KCTD19: variants seen among roughly 807,000 people sequenced by gnomAD.
The protein encoded by KCTD19 is potassium channel tetramerization domain containing 19.
In KCTD19, 67 loss-of-function variants were observed where a neutral mutation model predicts 103.5. The observed-to-expected ratio is 0.65, with a 90% CI of 0.53 to 0.79. KCTD19 has a LOEUF of 0.79. KCTD19 is among the 30% of genes least tolerant of loss of function. The pLI is 0.00. For synonymous variants in KCTD19, 439 were observed against 452.2 expected, an observed-to-expected ratio of 0.97 and a Z score of 0.37; for missense variants, 980 against 1,136.1, an observed-to-expected ratio of 0.86 and a Z score of 1.98.
intron 13 of KCTD19, 65 bp downstream of exon 13, chr16:67,291,581 C>T: frequency 6.3e-7 from 1 of 1,578,436 alleles, no homozygotes; most frequent in Non-Finnish European, 8.6e-7. Context: ...CCTGAAGTAC[C>T]CTGGGAGGGG....
At chr16:67,298,623 A>G (rs1012797821) in intron 6 of KCTD19, among the ~76,000 whole-genome samples, 9 of 152,174 alleles carry the variant, frequency 5.9e-5, no homozygotes, top group African/African-American at 2.2e-4. Context: ...ATCAGGGTGG[A>G]CATCTCTGAA....
rs1177931615 is a variant in KCTD19, at chr16:67,303,228, G to A, written c.561C>T (p.Ser187=). ...LPLDLVAKYP[S]LVTEDNLLWL... is the part of the protein sequence containing the mutation. ...ACAGCAGGTTGTCTTCAGTCACTAG[G>A]CTGGGATATTTGGCCACCAGGTCTA... The change falls in exon 4 of 16, where the codon AGC becomes AGT. Residue 187 remains serine, a synonymous_variant. Transcript: ENST00000304372. The surrounding 1 kb of genome is among the most constrained non-coding windows in gnomAD (Gnocchi z 4.3). 1.2e-6 allele frequency: 2 copies of A among 1,614,060 alleles called. No individual in the cohort carries two copies. Among genetic ancestry groups the A allele is most frequent in the South Asian group, 2.2e-5 (2 of 91,074 alleles).
At position 67,289,438 on chromosome 16, in the gene KCTD19, T is replaced by G. The variant is rs957257577; in HGVS notation, c.*131A>C. 1.8e-6 allele frequency: 1 copy of G among 553,258 alleles called. No homozygotes were observed. The highest frequency in any genetic ancestry group is 1.9e-5 in the African/African-American group (1 of 52,488). 34.3% of individuals were successfully genotyped at this position (553,258 alleles called of 1,614,324 possible). A position where few individuals can be genotyped will look rare whatever the true frequency, so the allele number is the denominator to read the frequency against. On this transcript the variant is annotated 3_prime_UTR_variant, in exon 16 of 16. Transcript: ENST00000304372. ...GGAGTCTAGGTCTTTGATGTGTGATTTAATCTTTTATTTGTTTATAATAAA... is the reference window on the plus strand; with the variant it reads ...GGAGTCTAGGTCTTTGATGTGTGATGTAATCTTTTATTTGTTTATAATAAA...
chr16:67,323,477 C>T lies in KCTD19; in HGVS notation c.4-2592G>A, dbSNP rs2037097429. Among the ~76,000 whole-genome samples, 1 of 152,012 alleles carries T rather than the reference C, an allele frequency of 6.6e-6. No homozygotes were observed. The highest frequency in any genetic ancestry group is 6.6e-5 in the Admixed American group (1 of 15,242). On this transcript the variant is annotated intron_variant, in intron 1 of 15. Transcript: ENST00000304372. The surrounding 1 kb of genome is among the most constrained non-coding windows in gnomAD (Gnocchi z 4.1). Reference sequence around the variant, plus strand: ...GTTTGAGGCTGCAGTGAGCTGTGATCGTGCCATTGCACTCCAGCCTGGGCG... The same window carrying T: ...GTTTGAGGCTGCAGTGAGCTGTGATTGTGCCATTGCACTCCAGCCTGGGCG...
At chr16:67,306,060 T>C (rs573310229) in intron 2 of KCTD19, among the ~76,000 whole-genome samples, 1 of 152,214 alleles carries the variant, frequency 6.6e-6, no homozygotes, top group Non-Finnish European at 1.5e-5. Flanking sequence ...AGTGTGTGCG[T>C]GGAACGCTGG....
At chr16:67,302,006 G>A in intron 4 of KCTD19, 84 bp from the exon 5 acceptor site, 4 of 1,289,192 alleles carry the variant, frequency 3.1e-6, no homozygotes, top group Non-Finnish European at 3.3e-6. Context: ...GGTTTCTGGT[G>A]CTGTAACTTA....
chr16:67,325,400 A>G lies in KCTD19; in HGVS notation c.3+1305T>C, dbSNP rs146868870. Among the ~76,000 whole-genome samples the G allele has an allele frequency of 4.6e-4, 68 of 149,232 alleles. No homozygotes were observed. The East Asian group carries it at 9.8e-3, about 21-fold the overall frequency. On this transcript the variant is annotated intron_variant, in intron 1 of 15. Coordinates refer to ENST00000304372, the MANE Select transcript of KCTD19 (RefSeq NM_001100915.3). ...GCTTTATTTTATTTTATTTTATTTT[A>G]TTTTGTTTTATTTTTGTATTTTTAG... is the stretch of plus-strand genomic sequence containing the variant.
Position 67,320,707 on chromosome 16 carries a change from G to A in KCTD19, c.182C>T (p.Ser61Phe), listed in dbSNP as rs1479616539. ...GTAATAGTGCACGTGCCTAAATGTG[G>A]AACCATCTCTGTCGATAAATAGCCT... is the stretch of plus-strand genomic sequence containing the variant. ...SQRLFIDRDG[S>F]TFRHVHYYLY... Residue 61 changes from serine (S) to phenylalanine (F), a missense_variant, in exon 2 of 16, where the codon TCC becomes TTC. Transcript: ENST00000304372. This position sits in a 1 kb window ranked among gnomAD's most constrained non-coding sequence, Gnocchi z 4.0. 6.2e-7 allele frequency: 1 copy of A among 1,614,026 alleles called. No homozygotes were observed.
intron 2 of KCTD19, among the ~76,000 whole-genome samples, chr16:67,317,342 G>A (rs554772414): frequency 4.2e-4 from 64 of 152,108 alleles, no homozygotes; most frequent in Non-Finnish European, 8.8e-4. Flanking sequence ...AGCTGGGCGT[G>A]GTGCTGCACA....
In KCTD19 at chr16:67,297,359, C is replaced by T; in HGVS notation, c.1147+144G>A. ...GGGAGCACTTAATATGAAAGTTTCC[C>T]TTTTGTAAAAATCCAAAATATTGGC... On this transcript the variant is annotated intron_variant, in intron 7 of 15. Transcript: ENST00000304372. 3.7e-6 allele frequency: 3 copies of T among 814,470 alleles called. No homozygotes were observed. In the South Asian group the frequency reaches 5.4e-5, roughly 15 times the overall value. The allele number at this position is 814,470 out of a possible 1,614,324, so 50.5% of individuals were successfully genotyped here.
intron 7 of KCTD19, among the ~76,000 whole-genome samples, chr16:67,297,159 G>T (rs1160999860): frequency 6.6e-6 from 1 of 152,092 alleles, no homozygotes; most frequent in Admixed American, 6.5e-5. Flanking sequence ...GCTGTTAAAT[G>T]GACCCAGGGA....
At chr16:67,319,750 G>A (rs752062344) in intron 2 of KCTD19, among the ~76,000 whole-genome samples, 3 of 150,702 alleles carry the variant, frequency 2.0e-5, no homozygotes, top group Non-Finnish European at 2.9e-5. Context: ...GATGGTAAAG[G>A]AAAGATTCTG....
intron 2 of KCTD19, among the ~76,000 whole-genome samples, chr16:67,318,971 C>T (rs2037042388): frequency 6.6e-6 from 1 of 152,004 alleles, no homozygotes; most frequent in South Asian, 2.1e-4. Context: ...GCCTATAATC[C>T]CAGCAGTTTG....
Position 67,302,303 on chromosome 16 carries a change from C to T in KCTD19, c.644-381G>A, listed in dbSNP as rs141202846. On this transcript the variant is annotated intron_variant, in intron 4 of 15. Transcript: ENST00000304372. ...AGGGGCCCGGCCGAGCCTGGGCTGG[C>T]GGGTGGCACTTGCAGTTTGTCCCTG... is the stretch of plus-strand genomic sequence containing the variant. 7.3e-3 allele frequency: 1,513 copies of T among 208,666 alleles called. 8 individuals carry two copies. Among genetic ancestry groups the T allele is most frequent in the Non-Finnish European group, 9.1e-3 (944 of 103,874 alleles). The allele number at this position is 208,666 out of a possible 1,614,324, so 12.9% of individuals were successfully genotyped here. A position where few individuals can be genotyped will look rare whatever the true frequency, so the allele number is the denominator to read the frequency against.
At chr16:67,296,557 G>T (rs926285210) in intron 7 of KCTD19, among the ~76,000 whole-genome samples, 3 of 152,114 alleles carry the variant, frequency 2.0e-5, no homozygotes, top group Non-Finnish European at 4.4e-5. Flanking sequence ...TTCTGGTTGG[G>T]TGTGTCCTGA....
In KCTD19 at chr16:67,320,171, G is replaced by C. The variant is rs995271636; in HGVS notation, c.300+418C>G. On this transcript the variant is annotated intron_variant, in intron 2 of 15. Coordinates refer to ENST00000304372, the MANE Select transcript of KCTD19 (RefSeq NM_001100915.3). This position sits in a 1 kb window ranked among gnomAD's most constrained non-coding sequence, Gnocchi z 4.0. The stretch of plus-strand genomic sequence containing the variant: ...TAGGGAGGCTGAGGGAGCACTTAGG[G>C]AGGCCAATTAGAGAGGACGACTTGA... Among the ~76,000 whole-genome samples, 2 of 152,122 alleles carry C rather than the reference G, an allele frequency of 1.3e-5. No homozygotes were observed. The highest frequency in any genetic ancestry group is 4.8e-5 in the African/African-American group (2 of 41,418).
In KCTD19 at chr16:67,303,114, GCCCCCCACCCCA is replaced by G; in HGVS notation, c.643+20_643+31del. The G allele has an allele frequency of 1.8e-6, 2 of 1,097,008 alleles. No individual in the cohort carries two copies. The highest frequency in any genetic ancestry group is 2.6e-6 in the Non-Finnish European group (2 of 782,024). The allele number at this position is 1,097,008 out of a possible 1,614,324, so 68.0% of individuals were successfully genotyped here. A position where few individuals can be genotyped will look rare whatever the true frequency, so the allele number is the denominator to read the frequency against. On this transcript the variant is annotated intron_variant, in intron 4 of 15. Coordinates refer to ENST00000304372, the MANE Select transcript of KCTD19 (RefSeq NM_001100915.3). This position sits in a 1 kb window ranked among gnomAD's most constrained non-coding sequence, Gnocchi z 4.3. ...AGGGGTGAATGGGCCCTATCAGCCC[GCCCCCCACCCCA>G]CCCCGGACAGAGCAATCACCAATGA...
intron 4 of KCTD19, chr16:67,302,285 C>T (rs965075290): frequency 2.8e-5 from 6 of 212,338 alleles, no homozygotes; most frequent in East Asian, 1.3e-4. Flanking sequence ...AGGAGGGGCC[C>T]GGCCGAGCCT....
chr16:67,308,919 G>A (rs2036921781), intron 2 of KCTD19, among the ~76,000 whole-genome samples: 1 of 152,074 alleles, frequency 6.6e-6, no homozygotes, highest in Non-Finnish European at 1.5e-5. Context: ...GATCACTTGA[G>A]GTCAGGAGTT....
Sources: gnomAD v4.1 joint callset for allele counts (sites outside exome capture counted in the v4.1 genomes callset) on GRCh38, gnomAD v4.1.1 for gene constraint, Gnocchi (gnomAD v3.1) non-coding constraint, MANE v1.5 for transcripts, NCBI Gene and HGNC (gene_info 2026-07-23, HGNC 2026-07-21) for gene names.